The following MAML1 variants were observed in gnomAD, a reference collection of about 807,000 sequenced individuals.
MAML1 encodes mastermind like transcriptional coactivator 1.
In MAML1, 14 loss-of-function variants were observed where a neutral mutation model predicts 77.1. The observed-to-expected ratio is 0.18, with a 90% CI of 0.12 to 0.28. The LOEUF (loss-of-function observed/expected upper bound fraction) is 0.28. Among genes scored for constraint, MAML1 ranks in the 10% least tolerant of loss-of-function variants. The pLI, the probability that MAML1 is intolerant of heterozygous loss-of-function variation, is 1.00. For synonymous variants in MAML1, 516 were observed against 551.9 expected (o/e 0.93, Z 0.91); for missense variants, 1,217 against 1,327.8 (o/e 0.92, Z 1.30).
chr5:179,766,164 A>G lies in MAML1; in HGVS notation c.1154A>G (p.Gln385Arg). ...CTTGCAGGTGTGGTATTGCCCAGTC[A>G]GGGCCCAGGAGGGGCCTCAGAGCTG... ...RALAGVVLPS[Q>R]GPGGASELSS... is the part of the protein sequence containing the mutation. The change falls in exon 2 of 5, where the codon CAG becomes CGG. Residue 385 changes from glutamine to arginine, a missense_variant. This residue lies in a region of MAML1 where 884 missense variants were observed against 949.3 expected (regional missense o/e 0.93). Transcript: ENST00000292599. The surrounding 1 kb of genome is among the most constrained non-coding windows in gnomAD (Gnocchi z 4.0). 1 of 1,583,990 alleles carries G rather than the reference A, an allele frequency of 6.3e-7. No individual in the cohort carries two copies. Among genetic ancestry groups the G allele is most frequent in the African/African-American group, 1.4e-5 (1 of 73,822 alleles).
intron 1 of MAML1, among the ~76,000 whole-genome samples, chr5:179,734,484 A>G (rs1027531185): frequency 6.6e-6 from 1 of 151,956 alleles, no homozygotes; most frequent in African/African-American, 2.4e-5. Flanking sequence ...TGGTTGAATT[A>G]TTTTTCTCAT....
chr5:179,776,972 T>G lies in MAML1; in HGVS notation c.*2095T>G. ...GGTGCTCAGACTTTTGTTATACACATTTGCTTTGTGTAAATAAATGTTTAC... is the reference window on the plus strand; with the variant it reads ...GGTGCTCAGACTTTTGTTATACACAGTTGCTTTGTGTAAATAAATGTTTAC... On this transcript the variant is annotated 3_prime_UTR_variant, in exon 5 of 5. Coordinates refer to ENST00000292599, the MANE Select transcript of MAML1 (RefSeq NM_014757.5). 1 of 984,944 alleles carries G rather than the reference T, an allele frequency of 1.0e-6. No homozygotes were observed. Among genetic ancestry groups the G allele is most frequent in the Non-Finnish European group, 1.2e-6 (1 of 829,076 alleles). The allele number at this position is 984,944 out of a possible 1,614,324, so 61.0% of individuals were successfully genotyped here.
At chr5:179,737,701 C>T (rs1247989735) in intron 1 of MAML1, among the ~76,000 whole-genome samples, 1 of 115,206 alleles carries the variant, frequency 8.7e-6, no homozygotes, top group African/African-American at 2.7e-5. Flanking sequence ...CCCACCACAG[C>T]GAAGTCTTAG....
chr5:179,744,166 A>G (rs1396438592), intron 1 of MAML1, among the ~76,000 whole-genome samples: 2 of 152,176 alleles, frequency 1.3e-5, no homozygotes. Context: ...CTTTGCAACA[A>G]AAAGAGGTAT....
intron 1 of MAML1, among the ~76,000 whole-genome samples, chr5:179,744,816 G>A (rs1027988611): frequency 2.0e-5 from 3 of 152,050 alleles, no homozygotes; most frequent in African/African-American, 7.2e-5. Context: ...AATAGATGTA[G>A]CATTTATAAG....
intron 2 of MAML1, among the ~76,000 whole-genome samples, chr5:179,767,478 T>C (rs1052806717): frequency 6.6e-6 from 1 of 152,202 alleles, no homozygotes; most frequent in African/African-American, 2.4e-5. Context: ...CTGTAAAATG[T>C]TCATATGCAT....
intron 1 of MAML1, among the ~76,000 whole-genome samples, chr5:179,741,577 TCAGGAGGCTGAGG>T (rs1208858581): frequency 1.3e-5 from 2 of 150,746 alleles, no homozygotes; most frequent in Non-Finnish European, 2.9e-5. Context: ...TCCCAGTTAC[TCAGGAGGCTGAGG>T]CAGGATAATC....
chr5:179,747,052 T>G (rs72809790), intron 1 of MAML1, among the ~76,000 whole-genome samples: 3,598 of 152,300 alleles, frequency 0.024, 75 homozygotes, highest in Non-Finnish European at 0.037. Flanking sequence ...CAACCTGGAG[T>G]GCAGTGGCTA....
At chr5:179,773,435 C>G (rs1035688725) in intron 4 of MAML1, among the ~76,000 whole-genome samples, 4 of 152,280 alleles carry the variant, frequency 2.6e-5, no homozygotes, top group South Asian at 2.1e-4. Context: ...CTGTCTCTCT[C>G]AAGCCTTGCC....
chr5:179,773,720 C>T (rs916282510), intron 4 of MAML1, 175 bp from the exon 5 acceptor site: 2 of 984,416 alleles, frequency 2.0e-6, no homozygotes, highest in African/African-American at 3.5e-5. Flanking sequence ...TGAACCCCAT[C>T]ATTGTTTCAG....
At chr5:179,736,965 T>TA (rs776661841) in intron 1 of MAML1, among the ~76,000 whole-genome samples, 1,626 of 89,474 alleles carry the variant, frequency 0.018, 39 homozygotes, top group African/African-American at 0.047. Flanking sequence ...CGTCTCAAAT[T>TA]AAAAAAAAAA....
intron 1 of MAML1, among the ~76,000 whole-genome samples, chr5:179,744,218 T>C (rs1779338453): frequency 6.6e-6 from 1 of 152,190 alleles, no homozygotes; most frequent in Admixed American, 6.6e-5. Context: ...GGAGTCTTGC[T>C]CTGTTGCCCA....
At position 179,775,927 on chromosome 5, in the gene MAML1, A is replaced by G; in HGVS notation, c.*1050A>G. 3.0e-6 allele frequency: 3 copies of G among 985,744 alleles called. No homozygotes were observed. Among genetic ancestry groups the G allele is most frequent in the Non-Finnish European group, 3.6e-6 (3 of 829,944 alleles). The allele number at this position is 985,744 out of a possible 1,614,324, so 61.1% of individuals were successfully genotyped here. ...CTTAGCATAAAGGTTTTGGGGAAGG[A>G]GGCCGTAGGCCGGCCCGGAGGAAGC... On this transcript the variant is annotated 3_prime_UTR_variant, in exon 5 of 5. Coordinates refer to ENST00000292599, the MANE Select transcript of MAML1 (RefSeq NM_014757.5).
chr5:179,776,076 G>A lies in MAML1; in HGVS notation c.*1199G>A, dbSNP rs906604439. On this transcript the variant is annotated 3_prime_UTR_variant, in exon 5 of 5. Coordinates refer to ENST00000292599, the MANE Select transcript of MAML1 (RefSeq NM_014757.5). ...TTCAAGTGGACTTGACTAAGCTGAG[G>A]GTCCACGAAATAGAATATGACATGT... is the stretch of plus-strand genomic sequence containing the variant. 18 of 985,744 alleles carry A rather than the reference G, an allele frequency of 1.8e-5. No individual in the cohort carries two copies. In the African/African-American group the frequency reaches 3.0e-4, roughly 16 times the overall value. The allele number at this position is 985,744 out of a possible 1,614,324, so 61.1% of individuals were successfully genotyped here. A position where few individuals can be genotyped will look rare whatever the true frequency, so the allele number is the denominator to read the frequency against.
At position 179,766,004 on chromosome 5, in the gene MAML1, G is replaced by A; in HGVS notation, c.994G>A (p.Ala332Thr). The A allele has an allele frequency of 6.2e-7, 1 of 1,606,304 alleles. No individual in the cohort carries two copies. The highest frequency in any genetic ancestry group is 8.5e-7 in the Non-Finnish European group (1 of 1,177,092). ...GCAGACCTTTCTGGGGCCTTCCTCT[G>A]CCCCTGTGAGTACAGATTCCCCCAG... is the stretch of plus-strand genomic sequence containing the variant. ...AGQTFLGPSS[A>T]PVSTDSPSLG... is the part of the protein sequence containing the mutation. Residue 332 changes from alanine (A) to threonine (T), a missense_variant, in exon 2 of 5, where the codon GCC (alanine) becomes ACC (threonine). Ala to Thr is a moderately conservative substitution (Grantham distance 58, BLOSUM62 0). Around this residue, in one of 3 missense-constraint regions of MAML1, gnomAD observed 884 missense variants for 949.3 expected, o/e 0.93. Transcript: ENST00000292599. This position sits in a 1 kb window ranked among gnomAD's most constrained non-coding sequence, Gnocchi z 4.0.
intron 1 of MAML1, among the ~76,000 whole-genome samples, chr5:179,758,859 C>T (rs1241256978): frequency 6.6e-6 from 1 of 152,046 alleles, no homozygotes; most frequent in African/African-American, 2.4e-5. Context: ...AAAAATTAGC[C>T]AGGCATGGTG....
In MAML1 at chr5:179,774,544, G is replaced by A; in HGVS notation, c.2718G>A (p.Val906=). 1 of 1,613,032 alleles carries A rather than the reference G, an allele frequency of 6.2e-7. No individual in the cohort carries two copies. The highest frequency in any genetic ancestry group is 1.3e-5 in the African/African-American group (1 of 75,074). Residue 906 remains valine, a synonymous_variant, in exon 5 of 5, where the codon GTG becomes GTA. Transcript: ENST00000292599. ...CCGTGGGGTCCTTGCTACCCCCAGT[G>A]AGTGCACAGCAGAGGACCAGCGCCC... ...AAAVGSLLPP[V]SAQQRTSAPA...
rs1756078507 is a variant in MAML1, at chr5:179,774,320, A to T, written c.2494A>T (p.Met832Leu). Residue 832 changes from methionine to leucine, a missense_variant, in exon 5 of 5, where the codon ATG becomes TTG. Met to Leu is a conservative substitution (Grantham distance 15). Around this residue, in one of 3 missense-constraint regions of MAML1, gnomAD observed 884 missense variants for 949.3 expected, o/e 0.93. Transcript: ENST00000292599. ...KPPVPRVSPA[M>L]GGQNSSWQHQ... ...ACCGGTCCCAAGGGTGTCACCAGCCATGGGAGGCCAGAATTCCTCCTGGCA... is the reference window on the plus strand; with the variant it reads ...ACCGGTCCCAAGGGTGTCACCAGCCTTGGGAGGCCAGAATTCCTCCTGGCA... 1.2e-6 allele frequency: 2 copies of T among 1,613,476 alleles called. No homozygotes were observed. Among genetic ancestry groups the T allele is most frequent in the Non-Finnish European group, 1.7e-6 (2 of 1,180,030 alleles).
chr5:179,773,778 C>G, intron 4 of MAML1, 117 bp from the exon 5 acceptor site: 1 of 1,503,626 alleles, frequency 6.7e-7, no homozygotes, highest in Non-Finnish European at 8.8e-7. Flanking sequence ...CCCCATGGCC[C>G]CCGGGGCCCT....
Sources: allele counts gnomAD v4.1 joint callset (sites outside exome capture counted in the v4.1 genomes callset), GRCh38; gene constraint gnomAD v4.1.1; regional missense constraint gnomAD v4.1.1; non-coding constraint Gnocchi (gnomAD v3.1); transcripts MANE v1.5; gene names NCBI Gene and HGNC (gene_info 2026-07-23, HGNC 2026-07-21).